The following FARS2 variants were observed in gnomAD, a reference collection of about 807,000 sequenced individuals.
FARS2 encodes phenylalanyl-tRNA synthetase 2, mitochondrial.
FARS2 carries 40 observed loss-of-function variants against 46.4 expected under a neutral mutation model. The ratio of observed to expected loss-of-function variants is 0.86; its 90% CI spans 0.67 to 1.12. The LOEUF is 1.12. Ranked by LOEUF, FARS2 falls within the 50% of genes most tolerant of loss-of-function variation. The probability of loss-of-function intolerance (pLI) is 0.00; values close to 1 mark genes in which losing one functional copy is unlikely to be tolerated. For synonymous variants in FARS2, 234 were observed against 214.9 expected, an observed-to-expected ratio of 1.09 and a Z score of -0.78; for missense variants, 513 against 567.9, an observed-to-expected ratio of 0.90 and a Z score of 0.98.
chr6:5,503,067 T>C (rs1327981470), intron 4 of FARS2, among the ~76,000 whole-genome samples: 2 of 152,050 alleles, frequency 1.3e-5, no homozygotes, highest in African/African-American at 4.8e-5. Context: ...TGAAAACTTT[T>C]ATGGAGAACA....
At chr6:5,584,130 C>CACACACACACACACACACAA in intron 5 of FARS2, among the ~76,000 whole-genome samples, 1 of 151,354 alleles carries the variant, frequency 6.6e-6, no homozygotes, top group South Asian at 2.1e-4. Context: ...CACACACACA[C>CACACACACACACACACACAA]ACACACACAC....
chr6:5,616,611 G>C (rs1404866513), intron 6 of FARS2, among the ~76,000 whole-genome samples: 3 of 152,170 alleles, frequency 2.0e-5, no homozygotes, highest in African/African-American at 7.2e-5. Flanking sequence ...TATCCTGAAG[G>C]TAATTTTATA....
At chr6:5,299,732 T>C (rs1446263558) in intron 1 of FARS2, among the ~76,000 whole-genome samples, 1 of 142,290 alleles carries the variant, frequency 7.0e-6, no homozygotes, top group Non-Finnish European at 1.5e-5. Context: ...CCCCACCCTG[T>C]ATCCAAGTGA....
intron 6 of FARS2, among the ~76,000 whole-genome samples, chr6:5,670,696 G>A (rs559989874): frequency 6.6e-6 from 1 of 152,102 alleles, no homozygotes; most frequent in Non-Finnish European, 1.5e-5. Context: ...AAAAACATGA[G>A]TTCTCATTAG....
At chr6:5,693,213 T>G (rs1757878357) in intron 6 of FARS2, among the ~76,000 whole-genome samples, 1 of 152,166 alleles carries the variant, frequency 6.6e-6, no homozygotes, top group Non-Finnish European at 1.5e-5. Context: ...CAGAGACAAC[T>G]GTCACACGTT....
chr6:5,330,772 A>G (rs185426998), intron 1 of FARS2, among the ~76,000 whole-genome samples: 31 of 152,314 alleles, frequency 2.0e-4, no homozygotes, highest in African/African-American at 7.0e-4. Flanking sequence ...TGTAGTTTGT[A>G]AATTCTACAG....
At chr6:5,720,779 C>T (rs531025126) in intron 6 of FARS2, among the ~76,000 whole-genome samples, 28 of 152,186 alleles carry the variant, frequency 1.8e-4, no homozygotes, top group Non-Finnish European at 3.5e-4. Flanking sequence ...GGCATAGTGG[C>T]TCATGCTCTA....
intron 4 of FARS2, chr6:5,466,648 G>C: frequency 3.0e-6 from 3 of 985,406 alleles, no homozygotes; most frequent in South Asian, 9.4e-5. Context: ...CTCATTCTCA[G>C]GCATGCTGGC....
intron 1 of FARS2, among the ~76,000 whole-genome samples, chr6:5,368,104 C>T (rs1039437533): frequency 2.6e-5 from 4 of 152,176 alleles, no homozygotes; most frequent in Non-Finnish European, 4.4e-5. Flanking sequence ...CACTCTCCTT[C>T]GGAAGCCTCT....
chr6:5,531,013 T>C (rs1769793254), intron 4 of FARS2, among the ~76,000 whole-genome samples: 1 of 151,810 alleles, frequency 6.6e-6, no homozygotes, highest in Admixed American at 6.6e-5. Flanking sequence ...TTTTTGCTCC[T>C]GGTCACATGT....
chr6:5,767,447 C>T (rs777420322), intron 6 of FARS2, among the ~76,000 whole-genome samples: 14 of 152,222 alleles, frequency 9.2e-5, no homozygotes, highest in Non-Finnish European at 1.9e-4. Flanking sequence ...TGTTTCAACA[C>T]ATGCTATCAA....
chr6:5,430,498 A>G (rs1286111960), intron 3 of FARS2, among the ~76,000 whole-genome samples: 1 of 152,026 alleles, frequency 6.6e-6, no homozygotes, highest in Non-Finnish European at 1.5e-5. Context: ...GACTTTAAAA[A>G]TGTTTTACTT....
At chr6:5,449,307 C>T (rs940125537) in intron 4 of FARS2, among the ~76,000 whole-genome samples, 1 of 139,420 alleles carries the variant, frequency 7.2e-6, no homozygotes, top group Non-Finnish European at 1.5e-5. Flanking sequence ...CAAGACTTTG[C>T]CACTGCACTC....
At chr6:5,414,811 GT>G (rs35210878) in intron 3 of FARS2, among the ~76,000 whole-genome samples, 15,124 of 86,050 alleles carry the variant, frequency 0.18, 216 homozygotes, top group Middle Eastern at 0.22. Context: ...GTATATGACT[GT>G]TTTTTTTTTT....
rs1770899112 is a variant in FARS2, at chr6:5,545,281, G to C, written c.1006G>C (p.Asp336His). The change falls in exon 5 of 7, where the codon GAC (aspartate) becomes CAC (histidine). Residue 336 changes from aspartate to histidine, a missense_variant. By Grantham distance (81) the Asp-to-His change is moderately conservative. Coordinates refer to ENST00000274680, the MANE Select transcript of FARS2 (RefSeq NM_006567.5). ...TGATATCCGTCTCTTCTGGTGTGAGGACGAGCGCTTCCTGAAGCAGTTCTG... is the reference window on the plus strand; with the variant it reads ...TGATATCCGTCTCTTCTGGTGTGAGCACGAGCGCTTCCTGAAGCAGTTCTG... Reference protein sequence around the residue: ...IPDIRLFWCEDERFLKQFCVS... With the variant: ...IPDIRLFWCEHERFLKQFCVS... 1 of 1,613,992 alleles carries C rather than the reference G, an allele frequency of 6.2e-7. No homozygotes were observed. Among genetic ancestry groups the C allele is most frequent in the African/African-American group, 1.3e-5 (1 of 74,938 alleles).
At chr6:5,645,142 C>G (rs1169301422) in intron 6 of FARS2, among the ~76,000 whole-genome samples, 1 of 152,142 alleles carries the variant, frequency 6.6e-6, no homozygotes. Context: ...AAGCTTCTAC[C>G]CATCAGTAAA....
intron 2 of FARS2, among the ~76,000 whole-genome samples, chr6:5,379,219 C>G (rs1177268000): frequency 6.6e-6 from 1 of 152,184 alleles, no homozygotes; most frequent in Non-Finnish European, 1.5e-5. Flanking sequence ...AGCAATGTCT[C>G]CCTCTTTCTG....
chr6:5,251,020 C>G, the FARS2 span, among the ~76,000 whole-genome samples: 2 of 152,216 alleles, frequency 1.3e-5, no homozygotes, highest in South Asian at 2.1e-4. Flanking sequence ...CTCCACTGTT[C>G]GGGCACTATT....
chr6:5,488,688 C>T (rs572682643), intron 4 of FARS2, among the ~76,000 whole-genome samples: 3 of 137,986 alleles, frequency 2.2e-5, no homozygotes, highest in South Asian at 2.3e-4. Flanking sequence ...TTAGAAATCT[C>T]GTGTCTTTGC....
Sources: allele counts gnomAD v4.1 joint callset (sites outside exome capture counted in the v4.1 genomes callset), GRCh38; gene constraint gnomAD v4.1.1; transcripts MANE v1.5; gene names NCBI Gene and HGNC (gene_info 2026-07-23, HGNC 2026-07-21).